Variants in TTC7B observed in about 807,000 individuals in gnomAD.
TTC7B encodes the protein tetratricopeptide repeat protein 7B.
In TTC7B, 28 loss-of-function variants were observed where a neutral mutation model predicts 106.8. That is an observed-to-expected ratio of 0.26 (90% CI 0.19 to 0.36). The LOEUF is 0.36. Among genes scored for constraint, TTC7B ranks in the 10% least tolerant of loss-of-function variants. The probability of loss-of-function intolerance (pLI) is 1.00; values close to 1 mark genes in which losing one functional copy is unlikely to be tolerated. For missense variants in TTC7B, 862 were observed against 1,076.4 expected (o/e 0.80, Z 2.79); for synonymous variants, 405 against 430.6 (o/e 0.94, Z 0.74).
intron 6 of TTC7B, among the ~76,000 whole-genome samples, chr14:90,694,370 A>C (rs1887592072): frequency 6.6e-6 from 1 of 152,176 alleles, no homozygotes; most frequent in Non-Finnish European, 1.5e-5. Context: ...GGGATTGACT[A>C]CTAACGAGTA....
chr14:90,650,959 T>C (rs1416390390), intron 13 of TTC7B, among the ~76,000 whole-genome samples: 1 of 152,244 alleles, frequency 6.6e-6, no homozygotes, highest in African/African-American at 2.4e-5. Flanking sequence ...ATTCTGGCAG[T>C]CATAATTAAG....
chr14:90,814,470 C>A (rs932951581), intron 1 of TTC7B, among the ~76,000 whole-genome samples: 1 of 152,214 alleles, frequency 6.6e-6, no homozygotes, highest in Non-Finnish European at 1.5e-5. Context: ...AGGGCAGGGG[C>A]TTGGTCAGTG....
Position 90,695,575 on chromosome 14 carries a change from G to C in TTC7B, c.702C>G (p.Asn234Lys), listed in dbSNP as rs773483102. The C allele has an allele frequency of 1.9e-6, 3 of 1,594,874 alleles. No homozygotes were observed. The highest frequency in any genetic ancestry group is 1.1e-5 in the South Asian group (1 of 88,008). ...RAHVLYFKNG[N>K]LTRGVGRFRE... ...TAAATCTTCCGACTCCTCTTGTCAA[G>C]TTCCTGTGTGGACACAGAATTTGAC... The change falls in exon 6 of 20, where the codon AAC becomes AAG. Residue 234 changes from asparagine to lysine, a missense_variant. Asn to Lys is a moderately conservative substitution (Grantham distance 94, BLOSUM62 0). Transcript: ENST00000328459.
chr14:90,659,084 C>G (rs1270071624), intron 9 of TTC7B, among the ~76,000 whole-genome samples: 1 of 152,168 alleles, frequency 6.6e-6, no homozygotes, highest in African/African-American at 2.4e-5. Flanking sequence ...GAGGTCAAAT[C>G]AGCAAGGATG....
chr14:90,592,753 T>G (rs973351531), intron 18 of TTC7B, among the ~76,000 whole-genome samples: 1 of 151,882 alleles, frequency 6.6e-6, no homozygotes, highest in African/African-American at 2.4e-5. Context: ...TTTGGGCTTT[T>G]TAGTGGTGCA....
chr14:90,746,935 C>T (rs564162600), intron 3 of TTC7B, among the ~76,000 whole-genome samples: 5 of 152,242 alleles, frequency 3.3e-5, no homozygotes, highest in African/African-American at 1.2e-4. Flanking sequence ...ATGTTCAAAC[C>T]CTGTACATTC....
intron 5 of TTC7B, among the ~76,000 whole-genome samples, chr14:90,710,580 A>G (rs1175448815): frequency 6.6e-6 from 1 of 152,226 alleles, no homozygotes; most frequent in Admixed American, 6.5e-5. Flanking sequence ...GAGTCCATCA[A>G]TGTGGTACAC....
At chr14:90,760,437 CTT>C (rs371917043) in intron 3 of TTC7B, among the ~76,000 whole-genome samples, 1 of 152,146 alleles carries the variant, frequency 6.6e-6, no homozygotes, top group East Asian at 1.9e-4. Context: ...GAGGATGACT[CTT>C]TTTTCGAGAT....
chr14:90,679,959 C>G (rs977598076), intron 8 of TTC7B, among the ~76,000 whole-genome samples: 6 of 152,214 alleles, frequency 3.9e-5, no homozygotes, highest in Non-Finnish European at 8.8e-5. Flanking sequence ...CTGGCAAAGC[C>G]AGGAGCTGGA....
chr14:90,623,280 T>C (rs1884289853), intron 15 of TTC7B, among the ~76,000 whole-genome samples: 1 of 152,176 alleles, frequency 6.6e-6, no homozygotes, highest in South Asian at 2.1e-4. Flanking sequence ...AAATATTTAA[T>C]TCCAGATTCT....
intron 18 of TTC7B, among the ~76,000 whole-genome samples, chr14:90,590,409 T>A (rs1891906515): frequency 6.6e-6 from 1 of 152,108 alleles, no homozygotes; most frequent in African/African-American, 2.4e-5. Flanking sequence ...CACTGTGGGC[T>A]CCCATCACGA....
chr14:90,639,763 A>C (rs938866511), intron 15 of TTC7B, among the ~76,000 whole-genome samples: 12 of 152,210 alleles, frequency 7.9e-5, no homozygotes, highest in African/African-American at 2.9e-4. Context: ...ACCTGAAAAC[A>C]ACCCACGTAT....
chr14:90,616,610 C>G (rs1862473157), intron 16 of TTC7B, among the ~76,000 whole-genome samples: 1 of 152,192 alleles, frequency 6.6e-6, no homozygotes, highest in Non-Finnish European at 1.5e-5. Context: ...AGGTGCACTG[C>G]CCGCAGGGCC....
intron 1 of TTC7B, among the ~76,000 whole-genome samples, chr14:90,791,694 T>A (rs1305320839): frequency 6.6e-6 from 1 of 151,944 alleles, no homozygotes; most frequent in Admixed American, 6.6e-5. Flanking sequence ...CCCTCCCCCA[T>A]AGGCTGGACC....
chr14:90,707,389 C>T (rs1888254362), intron 5 of TTC7B, among the ~76,000 whole-genome samples: 4 of 152,138 alleles, frequency 2.6e-5, no homozygotes, highest in Non-Finnish European at 5.9e-5. Flanking sequence ...ATTAACAACC[C>T]TACAATGGCC....
chr14:90,586,560 G>A (rs1566784490), intron 18 of TTC7B, among the ~76,000 whole-genome samples: 1 of 152,186 alleles, frequency 6.6e-6, no homozygotes, highest in Non-Finnish European at 1.5e-5. Flanking sequence ...ATGAGCCACT[G>A]CACCCGGCTG....
At chr14:90,711,431 T>A (rs746898265) in intron 5 of TTC7B, among the ~76,000 whole-genome samples, 1 of 152,208 alleles carries the variant, frequency 6.6e-6, no homozygotes, top group African/African-American at 2.4e-5. Context: ...AACAGAATTA[T>A]TTTTTCTCCC....
At chr14:90,587,158 C>T (rs78190437) in intron 18 of TTC7B, among the ~76,000 whole-genome samples, 5 of 151,998 alleles carry the variant, frequency 3.3e-5, no homozygotes, top group South Asian at 2.1e-4. Flanking sequence ...ATTTTTTTTC[C>T]GGAGAGGGGT....
chr14:90,613,224 C>T (rs1204894625), intron 16 of TTC7B, among the ~76,000 whole-genome samples: 2 of 151,914 alleles, frequency 1.3e-5, no homozygotes, highest in Admixed American at 1.3e-4. Context: ...AGCAAGACTT[C>T]ATCTTTATTA....
Sources: allele counts gnomAD v4.1 joint callset (sites outside exome capture counted in the v4.1 genomes callset), GRCh38; gene constraint gnomAD v4.1.1; transcripts MANE v1.5; gene names NCBI Gene and HGNC (gene_info 2026-07-23, HGNC 2026-07-21).